FBN1: variants seen among roughly 807,000 people sequenced by gnomAD.
The protein encoded by FBN1 is fibrillin-1.
FBN1 carries 29 observed loss-of-function variants against 365.1 expected under a neutral mutation model. The observed-to-expected ratio is 0.08, with a 90% CI of 0.06 to 0.11. The LOEUF (loss-of-function observed/expected upper bound fraction) is 0.11, where lower values mean the gene tolerates loss of function less well. FBN1 is among the 10% of genes least tolerant of loss of function. The probability of loss-of-function intolerance (pLI) is 1.00; values close to 1 mark genes in which losing one functional copy is unlikely to be tolerated. For synonymous variants in FBN1, 1,210 were observed against 1,270.5 expected (o/e 0.95, Z 1.01); for missense variants, 2,476 against 3,703.2 (o/e 0.67, Z 8.60).
intron 2 of FBN1, among the ~76,000 whole-genome samples, chr15:48,626,276 A>G (rs115202761): frequency 6.6e-6 from 1 of 152,034 alleles, no homozygotes; most frequent in Non-Finnish European, 1.5e-5. Flanking sequence ...AAAAAAATGA[A>G]AAGTATAATT....
chr15:48,485,610 T>A, intron 29 of FBN1, 114 bp from the exon 30 acceptor site: 1 of 1,145,384 alleles, frequency 8.7e-7, no homozygotes, highest in Non-Finnish European at 1.3e-6. Context: ...GCAGGGCCTT[T>A]AAAAGAGGTA....
At chr15:48,523,303 G>A (rs1286757129) in intron 9 of FBN1, among the ~76,000 whole-genome samples, 2 of 152,160 alleles carry the variant, frequency 1.3e-5, no homozygotes, top group Non-Finnish European at 2.9e-5. Context: ...AATGACAAAA[G>A]CTTAATGGGC....
At chr15:48,490,167 C>G in intron 24 of FBN1, 89 bp from the exon 25 acceptor site, 1 of 1,089,794 alleles carries the variant, frequency 9.2e-7, no homozygotes, top group South Asian at 1.3e-5. Context: ...AAATACTGCA[C>G]ACATAATAAT....
intron 6 of FBN1, among the ~76,000 whole-genome samples, chr15:48,561,862 C>T (rs1045505893): frequency 1.3e-5 from 2 of 152,144 alleles, no homozygotes; most frequent in Non-Finnish European, 2.9e-5. Context: ...TCTGGAAGAA[C>T]TATTTAGCAC....
intron 31 of FBN1, among the ~76,000 whole-genome samples, chr15:48,482,950 T>A (rs1407600278): frequency 6.6e-6 from 1 of 152,172 alleles, no homozygotes; most frequent in Non-Finnish European, 1.5e-5. Flanking sequence ...TAAGTGTAGC[T>A]TAAAAGCTTA....
At chr15:48,613,656 G>T (rs7171054) in intron 2 of FBN1, among the ~76,000 whole-genome samples, 1 of 152,130 alleles carries the variant, frequency 6.6e-6, no homozygotes, top group Non-Finnish European at 1.5e-5. Flanking sequence ...GGCCAGGCGC[G>T]GTGGCTCACG....
rs1566928779 is a variant in FBN1 at position 48,568,053 on chromosome 15, A to AAAGAAAG, written c.538+28223_538+28229dup. Among the ~76,000 whole-genome samples, 854 of 95,450 alleles carry AAAGAAAG rather than the reference A, an allele frequency of 8.9e-3. 1 individual carries two copies. The highest frequency in any genetic ancestry group is 0.016 in the East Asian group (53 of 3,298). The allele number at this position is 95,450 out of a possible 152,430, so 62.6% of individuals were successfully genotyped here. On this transcript the variant is annotated intron_variant, in intron 6 of 65. Transcript: ENST00000316623. ...AGAAAGAAAGAAAGAAAGAAAGAAG[A>AAAGAAAG]AAGAAAGAAAGAAAGAAAGAAAGAA...
intron 2 of FBN1, among the ~76,000 whole-genome samples, chr15:48,627,848 T>C (rs116254284): frequency 0.015 from 2,220 of 152,298 alleles, 51 homozygotes; most frequent in African/African-American, 0.051. Context: ...TGTCACAGTA[T>C]TTGTGTTTCA....
intron 2 of FBN1, among the ~76,000 whole-genome samples, chr15:48,621,471 T>G (rs1889764007): frequency 6.6e-6 from 1 of 152,200 alleles, no homozygotes; most frequent in Non-Finnish European, 1.5e-5. Flanking sequence ...ATAATTCCAC[T>G]AAGGGCCATT....
chr15:48,416,228 A>T (rs2042902665), intron 63 of FBN1, among the ~76,000 whole-genome samples: 2 of 152,220 alleles, frequency 1.3e-5, no homozygotes, highest in African/African-American at 4.8e-5. Context: ...CAAATCTCTC[A>T]AAAGCAGAGA....
At chr15:48,607,232 C>T (rs1005064196) in intron 4 of FBN1, among the ~76,000 whole-genome samples, 2 of 151,352 alleles carry the variant, frequency 1.3e-5, no homozygotes, top group African/African-American at 2.4e-5. Context: ...TTCAAAATTA[C>T]AAAATATAAA....
At chr15:48,632,274 A>G (rs1638480250) in intron 2 of FBN1, among the ~76,000 whole-genome samples, 1 of 152,244 alleles carries the variant, frequency 6.6e-6, no homozygotes, top group African/African-American at 2.4e-5. Flanking sequence ...AGACTGTGGT[A>G]TCCAGATAGG....
At chr15:48,471,689 T>C (rs926723742) in intron 35 of FBN1, among the ~76,000 whole-genome samples, 2 of 152,216 alleles carry the variant, frequency 1.3e-5, no homozygotes, top group Admixed American at 6.5e-5. Context: ...TAATGACTGA[T>C]TTTGAGTTCA....
intron 49 of FBN1, among the ~76,000 whole-genome samples, chr15:48,442,515 C>T (rs1170277786): frequency 6.6e-6 from 1 of 152,172 alleles, no homozygotes; most frequent in Non-Finnish European, 1.5e-5. Flanking sequence ...CAATAGGAAA[C>T]TGTACACTTA....
chr15:48,479,591 CTTTGACTT>C (rs2043451315), intron 32 of FBN1, among the ~76,000 whole-genome samples: 1 of 152,122 alleles, frequency 6.6e-6, no homozygotes, highest in African/African-American at 2.4e-5. Flanking sequence ...TCAAGTGTTT[CTTTGACTT>C]CAAATCTATG....
chr15:48,487,523 G>T, intron 27 of FBN1, 86 bp from the exon 28 acceptor site: 1 of 1,573,316 alleles, frequency 6.4e-7, no homozygotes. Context: ...ATTGCTGGGT[G>T]TCCATCTTGA....
intron 60 of FBN1, 30 bp from the exon 61 acceptor site, chr15:48,422,098 G>A (rs1229378606): frequency 1.3e-6 from 2 of 1,488,196 alleles, no homozygotes; most frequent in South Asian, 1.1e-5. Context: ...AGGCATTTGA[G>A]TCAAGCCAAC....
intron 47 of FBN1, among the ~76,000 whole-genome samples, chr15:48,446,072 T>C (rs532466263): frequency 6.6e-6 from 1 of 152,114 alleles, no homozygotes; most frequent in African/African-American, 2.4e-5. Context: ...TATTTAAAAA[T>C]TTTTTGGCTT....
At chr15:48,441,323 T>C (rs2043113137) in intron 50 of FBN1, among the ~76,000 whole-genome samples, 1 of 152,200 alleles carries the variant, frequency 6.6e-6, no homozygotes, top group Non-Finnish European at 1.5e-5. Context: ...AATGGGTTAA[T>C]GTGCAGTTTT....
Sources: gnomAD v4.1 joint callset for allele counts (sites outside exome capture counted in the v4.1 genomes callset) on GRCh38, gnomAD v4.1.1 for gene constraint, MANE v1.5 for transcripts, NCBI Gene and HGNC (gene_info 2026-07-23, HGNC 2026-07-21) for gene names.